The following DSCAML1 variants were observed in gnomAD, a reference collection of about 807,000 sequenced individuals.
The protein encoded by DSCAML1 is cell adhesion molecule DSCAML1.
A neutral mutation model predicts 200.5 loss-of-function variants in DSCAML1; 38 were observed. The observed-to-expected ratio is 0.19, with a 90% CI of 0.15 to 0.25. DSCAML1 has a LOEUF of 0.25. DSCAML1 is among the 10% of genes least tolerant of loss of function. The pLI, the probability that DSCAML1 is intolerant of heterozygous loss-of-function variation, is 1.00. For missense variants in DSCAML1, 2,223 were observed against 2,858.8 expected (o/e 0.78, Z 5.07); for synonymous variants, 1,215 against 1,165.0 (o/e 1.04, Z -0.87).
Position 117,610,718 on chromosome 11 carries a change from G to T in DSCAML1, c.512-78196C>A, listed in dbSNP as rs532946884. 2.0e-4 allele frequency among the ~76,000 whole-genome samples: 30 copies of T among 151,618 alleles called. 1 individual carries two copies. Among genetic ancestry groups the T allele is most frequent in the Admixed American group, 1.1e-3 (17 of 15,224 alleles). On this transcript the variant is annotated intron_variant, in intron 3 of 32. Transcript: ENST00000651296. ...AGCCGCCCCATCCTTTATAATGATT[G>T]CCCTGTATTCAATTACACACAGTCA...
At chr11:117,555,882 C>T (rs1443688755) in intron 3 of DSCAML1, among the ~76,000 whole-genome samples, 1 of 147,694 alleles carries the variant, frequency 6.8e-6, no homozygotes, top group South Asian at 2.2e-4. Context: ...ATGGAGGGGG[C>T]TCTGAATGGA....
intron 3 of DSCAML1, among the ~76,000 whole-genome samples, chr11:117,543,812 GTTTGT>G (rs2050318664): frequency 7.2e-6 from 1 of 138,692 alleles, no homozygotes; most frequent in African/African-American, 2.6e-5. Flanking sequence ...TTTTTTTTTT[GTTTGT>G]TTTGTTTTTT....
intron 3 of DSCAML1, among the ~76,000 whole-genome samples, chr11:117,539,270 T>C (rs567752195): frequency 5.3e-5 from 8 of 152,268 alleles, no homozygotes; most frequent in African/African-American, 1.9e-4. Flanking sequence ...AAACCTCTTG[T>C]CCTGCTAATC....
chr11:117,811,033 C>T (rs1420065088), intron 1 of DSCAML1, among the ~76,000 whole-genome samples: 1 of 152,134 alleles, frequency 6.6e-6, no homozygotes, highest in Non-Finnish European at 1.5e-5. Context: ...ATCTTTTTAT[C>T]GCCTCTCCTC....
chr11:117,579,217 T>C (rs2051001510), intron 3 of DSCAML1, among the ~76,000 whole-genome samples: 1 of 152,166 alleles, frequency 6.6e-6, no homozygotes, highest in South Asian at 2.1e-4. Context: ...ACTTGACAGC[T>C]CAAGTCCTCC....
intron 21 of DSCAML1, among the ~76,000 whole-genome samples, chr11:117,442,189 ATG>A (rs1161836884): frequency 2.2e-5 from 3 of 134,166 alleles, no homozygotes; most frequent in Non-Finnish European, 4.7e-5. Context: ...TATAGTGTGT[ATG>A]TGTGTGCATG....
At position 117,780,290 on chromosome 11, in the gene DSCAML1, A is replaced by C. The variant is rs182000805; in HGVS notation, c.364+203T>G. Among the ~76,000 whole-genome samples the C allele has an allele frequency of 0.032, 3,200 of 100,020 alleles. 61 individuals carry two copies. The highest frequency in any genetic ancestry group is 0.073 in the East Asian group (270 of 3,680). The allele number at this position is 100,020 out of a possible 152,430, so 65.6% of individuals were successfully genotyped here. A position where few individuals can be genotyped will look rare whatever the true frequency, so the allele number is the denominator to read the frequency against. On this transcript the variant is annotated intron_variant, in intron 2 of 32. Coordinates refer to ENST00000651296, the MANE Select transcript of DSCAML1 (RefSeq NM_020693.4). The surrounding 1 kb of genome is among the most constrained non-coding windows in gnomAD (Gnocchi z 4.8). Reference sequence around the variant, plus strand: ...AAAGAAAGAAAGAAAGAAAGAAAGAAAGAAAGAAAGAAAGAGAGAAAGGAG... The same window carrying C: ...AAAGAAAGAAAGAAAGAAAGAAAGACAGAAAGAAAGAAAGAGAGAAAGGAG...
At chr11:117,436,865 C>A (rs938630059) in intron 26 of DSCAML1, among the ~76,000 whole-genome samples, 1 of 152,200 alleles carries the variant, frequency 6.6e-6, no homozygotes, top group African/African-American at 2.4e-5. Context: ...GCTTCAAAGA[C>A]TCTCCATCTT....
At chr11:117,586,113 C>T (rs1056110029) in intron 3 of DSCAML1, among the ~76,000 whole-genome samples, 3 of 152,180 alleles carry the variant, frequency 2.0e-5, no homozygotes, top group Non-Finnish European at 2.9e-5. Flanking sequence ...CCTCCTTTTG[C>T]AGATCTAGGA....
Position 117,524,788 on chromosome 11 carries a change from G to C in DSCAML1, c.937+17C>G. 1 of 1,562,434 alleles carries C rather than the reference G, an allele frequency of 6.4e-7. No individual in the cohort carries two copies. The highest frequency in any genetic ancestry group is 8.7e-7 in the Non-Finnish European group (1 of 1,152,810). ...TCAGAGGTTACTGGGGCTGCAGAAGGGGCTTCCCCGACTCACCAATGACCA... is the reference window on the plus strand; with the variant it reads ...TCAGAGGTTACTGGGGCTGCAGAAGCGGCTTCCCCGACTCACCAATGACCA... On this transcript the variant is annotated intron_variant, in intron 5 of 32. Transcript: ENST00000651296.
chr11:117,702,083 C>A (rs1185330475), intron 3 of DSCAML1, among the ~76,000 whole-genome samples: 1 of 152,232 alleles, frequency 6.6e-6, no homozygotes, highest in Non-Finnish European at 1.5e-5. Context: ...CTGGCCACTT[C>A]CTGTGTGGCT....
At chr11:117,624,596 G>A (rs560242647) in intron 3 of DSCAML1, among the ~76,000 whole-genome samples, 1 of 152,106 alleles carries the variant, frequency 6.6e-6, no homozygotes, top group Admixed American at 6.5e-5. Flanking sequence ...ATGCGCACTC[G>A]TGGCCCCAGA....
Position 117,780,296 on chromosome 11 carries a change from G to GAA in DSCAML1, c.364+195_364+196dup, listed in dbSNP as rs1377430258. 8.4e-5 allele frequency among the ~76,000 whole-genome samples: 9 copies of GAA among 106,972 alleles called. No individual in the cohort carries two copies. The East Asian group carries it at 1.8e-3, about 21-fold the overall frequency. The allele number at this position is 106,972 out of a possible 152,430, so 70.2% of individuals were successfully genotyped here. A position where few individuals can be genotyped will look rare whatever the true frequency, so the allele number is the denominator to read the frequency against. On this transcript the variant is annotated intron_variant, in intron 2 of 32. Coordinates refer to ENST00000651296, the MANE Select transcript of DSCAML1 (RefSeq NM_020693.4). The surrounding 1 kb of genome is among the most constrained non-coding windows in gnomAD (Gnocchi z 4.8). The stretch of plus-strand genomic sequence containing the variant: ...AGAAAGAAAGAAAGAAAGAAAGAAA[G>GAA]AAAGAAAGAGAGAAAGGAGAAAGAA...
chr11:117,768,725 G>A lies in DSCAML1; in HGVS notation c.511+8066C>T, dbSNP rs76936611. On this transcript the variant is annotated intron_variant, in intron 3 of 32. Coordinates refer to ENST00000651296, the MANE Select transcript of DSCAML1 (RefSeq NM_020693.4). ...CCATTTTATAGATGATTAAACTGAG[G>A]CTTTGGAAGTAACTTGCTCAAGGTC... 1.7e-3 allele frequency among the ~76,000 whole-genome samples: 264 copies of A among 152,192 alleles called. 2 individuals carry two copies. The highest frequency in any genetic ancestry group is 5.9e-3 in the African/African-American group (245 of 41,492).
chr11:117,795,879 G>C (rs745360673), intron 1 of DSCAML1, among the ~76,000 whole-genome samples: 2 of 152,184 alleles, frequency 1.3e-5, no homozygotes, highest in African/African-American at 4.8e-5. Flanking sequence ...AAGAGTTGCC[G>C]CCCGGCCAGG....
At chr11:117,657,986 T>C (rs527632959) in intron 3 of DSCAML1, among the ~76,000 whole-genome samples, 3 of 152,278 alleles carry the variant, frequency 2.0e-5, no homozygotes, top group Admixed American at 2.0e-4. Context: ...CAGCATCACC[T>C]TACGGCACTG....
intron 3 of DSCAML1, among the ~76,000 whole-genome samples, chr11:117,713,800 TGGTGGTG>T (rs2053896659): frequency 6.6e-6 from 1 of 152,000 alleles, no homozygotes; most frequent in African/African-American, 2.4e-5. Context: ...TGTGTGGAGG[TGGTGGTG>T]GGTGGTGGGC....
chr11:117,772,549 G>A (rs145556679), intron 3 of DSCAML1, among the ~76,000 whole-genome samples: 10 of 152,154 alleles, frequency 6.6e-5, no homozygotes, highest in East Asian at 1.9e-4. Context: ...CAAACTCCCC[G>A]CTGGGGCCAA....
chr11:117,783,957 C>T (rs1188200113), intron 1 of DSCAML1, among the ~76,000 whole-genome samples: 1 of 152,194 alleles, frequency 6.6e-6, no homozygotes, highest in Admixed American at 6.5e-5. Context: ...GCAACAGCCA[C>T]AATGACAGCA....
Sources: allele counts gnomAD v4.1 joint callset (sites outside exome capture counted in the v4.1 genomes callset), GRCh38; gene constraint gnomAD v4.1.1; non-coding constraint Gnocchi (gnomAD v3.1); transcripts MANE v1.5; gene names NCBI Gene and HGNC (gene_info 2026-07-23, HGNC 2026-07-21).